Variants in MRPL45 observed in about 807,000 individuals in gnomAD.
The protein encoded by MRPL45 is mitochondrial ribosomal protein L45.
MRPL45 carries 20 observed loss-of-function variants against 38.1 expected under a neutral mutation model. The observed-to-expected ratio is 0.53, with a 90% CI of 0.37 to 0.76. MRPL45 has a LOEUF of 0.76. MRPL45 is among the 30% of genes least tolerant of loss of function. The pLI is 0.00. For missense variants in MRPL45, 337 were observed against 395.6 expected, an observed-to-expected ratio of 0.85 and a Z score of 1.26; for synonymous variants, 105 against 128.8, an observed-to-expected ratio of 0.82 and a Z score of 1.25.
intron 4 of MRPL45, among the ~76,000 whole-genome samples, chr17:38,318,444 A>T (rs369273230): frequency 2.2e-4 from 34 of 151,718 alleles, no homozygotes; most frequent in East Asian, 1.2e-3. Context: ...AATTTTTTTT[A>T]AATTTATTTT....
intron 1 of MRPL45, among the ~76,000 whole-genome samples, chr17:38,297,503 G>C (rs1312147140): frequency 2.0e-5 from 3 of 152,126 alleles, no homozygotes; most frequent in Non-Finnish European, 4.4e-5. Context: ...TGTCTGGCGA[G>C]GAGATATTAA....
At chr17:38,300,860 C>T (rs564602336) in intron 3 of MRPL45, among the ~76,000 whole-genome samples, 3 of 152,074 alleles carry the variant, frequency 2.0e-5, no homozygotes, top group Admixed American at 6.6e-5. Context: ...GCAGGAGAAT[C>T]GCTTGAACCC....
chr17:38,306,507 A>G (rs1184495777), intron 3 of MRPL45, 26 bp from the exon 4 acceptor site: 2 of 1,560,182 alleles, frequency 1.3e-6, no homozygotes, highest in East Asian at 2.2e-5. Context: ...GACCTTTAGA[A>G]GTAATACTCA....
intron 5 of MRPL45, among the ~76,000 whole-genome samples, chr17:38,318,997 TTTTATTTA>T (rs575783313): frequency 0.061 from 7,824 of 127,320 alleles, 324 homozygotes; most frequent in Middle Eastern, 0.2. Context: ...CCAGCTAATT[TTTTATTTA>T]TTTATTTATT....
chr17:38,317,265 G>A (rs1029005320), intron 4 of MRPL45, among the ~76,000 whole-genome samples: 1 of 152,192 alleles, frequency 6.6e-6, no homozygotes, highest in African/African-American at 2.4e-5. Context: ...CATGGTAGTT[G>A]TCACCACAGC....
chr17:38,311,843 A>C (rs2037115621), intron 4 of MRPL45, among the ~76,000 whole-genome samples: 2 of 152,102 alleles, frequency 1.3e-5, no homozygotes, highest in South Asian at 4.1e-4. Flanking sequence ...TAGAACTGTG[A>C]GAAATAAATG....
chr17:38,320,829 C>G (rs376897353), intron 6 of MRPL45, 62 bp downstream of exon 6: 1 of 1,540,236 alleles, frequency 6.5e-7, no homozygotes, highest in Non-Finnish European at 8.9e-7. Flanking sequence ...GCACCTCCCT[C>G]TGGAGTGCTG....
chr17:38,307,051 G>C (rs1156520429), intron 4 of MRPL45, among the ~76,000 whole-genome samples: 3 of 150,804 alleles, frequency 2.0e-5, no homozygotes, highest in Non-Finnish European at 4.4e-5. Flanking sequence ...TTTTTATTTT[G>C]AGATGGAGTC....
chr17:38,310,611 G>A (rs2037102872), intron 4 of MRPL45, among the ~76,000 whole-genome samples: 1 of 152,034 alleles, frequency 6.6e-6, no homozygotes, highest in Admixed American at 6.6e-5. Context: ...TTACAGGCAT[G>A]AGCCACTGCA....
At position 38,297,199 on chromosome 17, in the gene MRPL45, C is replaced by T; in HGVS notation, c.16C>T (p.Pro6Ser). 2 of 1,614,254 alleles carry T rather than the reference C, an allele frequency of 1.2e-6. No individual in the cohort carries two copies. The highest frequency in any genetic ancestry group is 1.1e-5 in the South Asian group (1 of 91,090). MAAPI[P>S]QGFSCLSRFL... Reference sequence around the variant, plus strand: ...CGGGAACAAGATGGCAGCCCCCATACCTCAAGGGTTCTCTTGTTTATCGAG... The same window carrying T: ...CGGGAACAAGATGGCAGCCCCCATATCTCAAGGGTTCTCTTGTTTATCGAG... The change falls in exon 1 of 8, where the codon CCT becomes TCT. Residue 6 changes from proline to serine, a missense_variant. Physicochemically the swap from Pro to Ser is moderately conservative, Grantham distance 74 (BLOSUM62 -1). Transcript: ENST00000613675.
intron 3 of MRPL45, among the ~76,000 whole-genome samples, chr17:38,302,486 C>CAAAA (rs1301214106): frequency 1.3e-4 from 7 of 55,754 alleles, no homozygotes; most frequent in East Asian, 7.0e-4. Context: ...GACTCCATCT[C>CAAAA]AAAAAAAAAA....
chr17:38,316,911 C>T (rs2037179395), intron 4 of MRPL45, among the ~76,000 whole-genome samples: 1 of 152,044 alleles, frequency 6.6e-6, no homozygotes, highest in Admixed American at 6.6e-5. Flanking sequence ...GATTCTCCTG[C>T]CTCAGCCTCC....
At chr17:38,308,077 C>T (rs1263434583) in intron 4 of MRPL45, among the ~76,000 whole-genome samples, 1 of 151,392 alleles carries the variant, frequency 6.6e-6, no homozygotes, top group East Asian at 1.9e-4. Context: ...TGCTAGTTTT[C>T]ATATTTTTTG....
rs539916887 is a variant in MRPL45, at chr17:38,322,629, G to C, written c.*34G>C. On this transcript the variant is annotated 3_prime_UTR_variant, in exon 8 of 8. Coordinates refer to ENST00000613675, the MANE Select transcript of MRPL45 (RefSeq NM_032351.6). ...ATGACTTCTAGGGTGAAGCCTGGGT[G>C]ATGAGGCTGCTGGAAGCTTTGAAGT... is the stretch of plus-strand genomic sequence containing the variant. 2.0e-5 allele frequency: 31 copies of C among 1,545,560 alleles called. 1 individual carries two copies. The South Asian group carries it at 3.5e-4, about 18-fold the overall frequency.
At chr17:38,318,206 CAAAAAAAAAAAA>C (rs1163303123) in intron 4 of MRPL45, among the ~76,000 whole-genome samples, 1 of 57,666 alleles carries the variant, frequency 1.7e-5, no homozygotes, top group South Asian at 8.5e-4. Flanking sequence ...GACTCTGTCT[CAAAAAAAAAAAA>C]AAAAAAAAAA....
At position 38,297,195 on chromosome 17, in the gene MRPL45, C is replaced by G; in HGVS notation, c.12C>G (p.Pro4=). The change falls in exon 1 of 8, where the codon CCC becomes CCG. Residue 4 remains proline (P), a synonymous_variant. Coordinates refer to ENST00000613675, the MANE Select transcript of MRPL45 (RefSeq NM_032351.6). ...TTTGCGGGAACAAGATGGCAGCCCC[C>G]ATACCTCAAGGGTTCTCTTGTTTAT... MAA[P]IPQGFSCLSR... is the part of the protein sequence containing the mutation. 1 of 1,614,248 alleles carries G rather than the reference C, an allele frequency of 6.2e-7. No individual in the cohort carries two copies. The highest frequency in any genetic ancestry group is 8.5e-7 in the Non-Finnish European group (1 of 1,180,048).
intron 4 of MRPL45, among the ~76,000 whole-genome samples, chr17:38,318,190 G>C (rs2037193215): frequency 8.5e-6 from 1 of 117,168 alleles, no homozygotes; most frequent in African/African-American, 3.3e-5. Flanking sequence ...CCTGGCGACA[G>C]AGCGAGACTC....
intron 4 of MRPL45, among the ~76,000 whole-genome samples, chr17:38,316,189 A>AT (rs958916826): frequency 2.0e-5 from 3 of 150,562 alleles, no homozygotes; most frequent in South Asian, 2.1e-4. Context: ...GGTTTTGTTC[A>AT]TTTTTTTTCC....
chr17:38,309,268 G>T lies in MRPL45; in HGVS notation c.461+2637G>T, dbSNP rs1239782288. Among the ~76,000 whole-genome samples the T allele has an allele frequency of 2.7e-5, 4 of 150,620 alleles. No individual in the cohort carries two copies. In the East Asian group the frequency reaches 8.1e-4, roughly 30 times the overall value. On this transcript the variant is annotated intron_variant, in intron 4 of 7. Coordinates refer to ENST00000613675, the MANE Select transcript of MRPL45 (RefSeq NM_032351.6). ...GTGGTGGCTCTCGCTTGTAATCCCA[G>T]CGCTTTGGGAGGCCAAGACTGGTGG...
Sources: allele counts gnomAD v4.1 joint callset (sites outside exome capture counted in the v4.1 genomes callset), GRCh38; gene constraint gnomAD v4.1.1; transcripts MANE v1.5; gene names NCBI Gene and HGNC (gene_info 2026-07-23, HGNC 2026-07-21).